AAK1: variants seen among roughly 807,000 people sequenced by gnomAD.
AAK1 encodes AP2 associated kinase 1, also known as AP2-associated protein kinase 1.
In AAK1, 37 loss-of-function variants were observed where a neutral mutation model predicts 116.0. That is an observed-to-expected ratio of 0.32 (90% CI 0.25 to 0.42). AAK1 has a LOEUF of 0.42. Among genes scored for constraint, AAK1 ranks in the 10% least tolerant of loss-of-function variants. The probability of loss-of-function intolerance (pLI) is 1.00; values close to 1 mark genes in which losing one functional copy is unlikely to be tolerated. For synonymous variants in AAK1, 458 were observed against 439.9 expected (o/e 1.04, Z -0.51); for missense variants, 919 against 1,170.6 (o/e 0.79, Z 3.14).
At chr2:69,605,424 C>T (rs1240469796) in intron 2 of AAK1, among the ~76,000 whole-genome samples, 2 of 152,168 alleles carry the variant, frequency 1.3e-5, no homozygotes, top group Non-Finnish European at 2.9e-5. Flanking sequence ...CCTTCTTATG[C>T]ATTTTTTCTA....
intron 2 of AAK1, among the ~76,000 whole-genome samples, chr2:69,564,852 TC>T (rs1169092050): frequency 6.6e-6 from 1 of 151,866 alleles, no homozygotes; most frequent in East Asian, 1.9e-4. Flanking sequence ...CCACCCCCAC[TC>T]CTACCTCAAA....
chr2:69,480,249 G>T, intron 19 of AAK1, among the ~76,000 whole-genome samples: 1 of 146,944 alleles, frequency 6.8e-6, no homozygotes. Context: ...TTTTATCAAG[G>T]GAATTATGGA....
intron 2 of AAK1, among the ~76,000 whole-genome samples, chr2:69,611,080 T>G (rs1305140189): frequency 6.6e-6 from 1 of 152,154 alleles, no homozygotes; most frequent in Non-Finnish European, 1.5e-5. Flanking sequence ...GATGCCTAGA[T>G]GGCTGGTGAG....
intron 12 of AAK1, among the ~76,000 whole-genome samples, chr2:69,518,345 T>C (rs887484110): frequency 1.3e-5 from 2 of 151,728 alleles, no homozygotes; most frequent in Non-Finnish European, 2.9e-5. Flanking sequence ...TTTCCTCTCT[T>C]ATGATAATGG....
At chr2:69,476,766 C>T in intron 21 of AAK1, 114 bp downstream of exon 21, 1 of 680,538 alleles carries the variant, frequency 1.5e-6, no homozygotes, top group Middle Eastern at 3.0e-4. Context: ...CTCATTACAC[C>T]CAATGTCCTT....
At chr2:69,578,104 A>C (rs188997500) in intron 2 of AAK1, among the ~76,000 whole-genome samples, 3 of 152,324 alleles carry the variant, frequency 2.0e-5, no homozygotes, top group African/African-American at 4.8e-5. Context: ...TTCAAGCAGT[A>C]ATTAATTACT....
At chr2:69,524,287 G>A (rs1379439976) in intron 10 of AAK1, among the ~76,000 whole-genome samples, 1 of 152,130 alleles carries the variant, frequency 6.6e-6, no homozygotes, top group East Asian at 1.9e-4. Context: ...GTATTGCCCA[G>A]GCTGATCCCA....
chr2:69,524,903 C>A (rs1425459742), intron 10 of AAK1, 130 bp downstream of exon 10: 1 of 825,204 alleles, frequency 1.2e-6, no homozygotes, highest in Admixed American at 2.6e-5. Flanking sequence ...CTAGGCAAGA[C>A]AGAGCTTGCT....
chr2:69,494,527 G>A (rs79063693), intron 17 of AAK1, among the ~76,000 whole-genome samples: 1,909 of 152,208 alleles, frequency 0.013, 46 homozygotes, highest in African/African-American at 0.044. Context: ...AGAACCTGAA[G>A]GGGTGTCAAA....
chr2:69,478,909 C>A, intron 20 of AAK1, 42 bp downstream of exon 20: 1 of 1,491,800 alleles, frequency 6.7e-7, no homozygotes, highest in Non-Finnish European at 9.3e-7. Context: ...GTTCTTTCCC[C>A]TCTAAGGACA....
chr2:69,458,707 GCA>G lies in AAK1; in HGVS notation c.*17160_*17161del, dbSNP rs139723881. 30 of 150,118 alleles carry G rather than the reference GCA, an allele frequency of 2.0e-4. No homozygotes were observed. The highest frequency in any genetic ancestry group is 7.8e-4 in the East Asian group (4 of 5,108). The allele number at this position is 150,118 out of a possible 1,614,324, so 9.3% of individuals were successfully genotyped here. On this transcript the variant is annotated 3_prime_UTR_variant, in exon 22 of 22. Coordinates refer to ENST00000409085, the MANE Select transcript of AAK1 (RefSeq NM_014911.5). The stretch of plus-strand genomic sequence containing the variant: ...TGGAAGAAAGCATGAAGATGAATGA[GCA>G]CACACACACACACACACACCCCATT...
At position 69,478,996 on chromosome 2, in the gene AAK1, G is replaced by A. The variant is rs1674975453; in HGVS notation, c.2635C>T (p.Leu879=). ...SLLSNPTTDL[L]EEFAPTAISA... ...ATTGCTGTGGGGGCAAACTCTTCCA[G>A]AAGGTCAGTAGTAGGGTTAGAGAGC... The change falls in exon 20 of 22, where the codon CTG becomes TTG. Residue 879 remains leucine (L), a synonymous_variant. Coordinates refer to ENST00000409085, the MANE Select transcript of AAK1 (RefSeq NM_014911.5). The A allele has an allele frequency of 6.2e-7, 1 of 1,613,850 alleles. No homozygotes were observed. Among genetic ancestry groups the A allele is most frequent in the African/African-American group, 1.3e-5 (1 of 74,922 alleles).
chr2:69,497,881 C>A (rs1675811710), intron 16 of AAK1, among the ~76,000 whole-genome samples: 1 of 152,136 alleles, frequency 6.6e-6, no homozygotes, highest in Non-Finnish European at 1.5e-5. Flanking sequence ...GCCCTAGGCT[C>A]CTCAGTGCTC....
At chr2:69,483,019 T>C (rs1423246359) in intron 17 of AAK1, among the ~76,000 whole-genome samples, 1 of 152,186 alleles carries the variant, frequency 6.6e-6, no homozygotes, top group Admixed American at 6.5e-5. Context: ...AGTGAAGTAG[T>C]CACTTTGTAA....
chr2:69,588,634 A>T (rs1230136562), intron 2 of AAK1, among the ~76,000 whole-genome samples: 1 of 152,190 alleles, frequency 6.6e-6, no homozygotes, highest in Non-Finnish European at 1.5e-5. Context: ...AGCTAATTGC[A>T]TCATTTTGTT....
rs1674704019 is a variant in AAK1, at chr2:69,472,222, A to G, written c.*3647T>C. 1.1e-6 allele frequency: 1 copy of G among 927,236 alleles called. No homozygotes were observed. The highest frequency in any genetic ancestry group is 1.3e-6 in the Non-Finnish European group (1 of 777,200). The allele number at this position is 927,236 out of a possible 1,614,324, so 57.4% of individuals were successfully genotyped here. On this transcript the variant is annotated 3_prime_UTR_variant, in exon 22 of 22. Coordinates refer to ENST00000409085, the MANE Select transcript of AAK1 (RefSeq NM_014911.5). ...TGGATTATCCTTTTTACTGTCTTCAACAGTAACCACTCTTCATCTTACAGG... is the reference window on the plus strand; with the variant it reads ...TGGATTATCCTTTTTACTGTCTTCAGCAGTAACCACTCTTCATCTTACAGG...
intron 17 of AAK1, among the ~76,000 whole-genome samples, chr2:69,489,450 CAAAAA>C: frequency 8.4e-6 from 1 of 119,328 alleles, no homozygotes; most frequent in East Asian, 2.3e-4. Flanking sequence ...GACTCCGTCT[CAAAAA>C]AAAAAAAAAA....
chr2:69,546,989 G>A (rs1227381940), intron 3 of AAK1, among the ~76,000 whole-genome samples: 3 of 152,160 alleles, frequency 2.0e-5, no homozygotes, highest in African/African-American at 7.2e-5. Context: ...TCCTTTGAGT[G>A]GCATCAGTAC....
chr2:69,473,192 C>T lies in AAK1; in HGVS notation c.*2677G>A. ...TGGCTGGCAAGGGCCAGGATGAGATCCCAGGTGGCCTGTCCTGCCCAGGCC... is the reference window on the plus strand; with the variant it reads ...TGGCTGGCAAGGGCCAGGATGAGATTCCAGGTGGCCTGTCCTGCCCAGGCC... On this transcript the variant is annotated 3_prime_UTR_variant, in exon 22 of 22. Transcript: ENST00000409085. 1 of 790,358 alleles carries T rather than the reference C, an allele frequency of 1.3e-6. No homozygotes were observed. Among genetic ancestry groups the T allele is most frequent in the Non-Finnish European group, 1.5e-6 (1 of 651,932 alleles). The allele number at this position is 790,358 out of a possible 1,614,324, so 49.0% of individuals were successfully genotyped here. A position where few individuals can be genotyped will look rare whatever the true frequency, so the allele number is the denominator to read the frequency against.
Sources: gnomAD v4.1 joint callset for allele counts (sites outside exome capture counted in the v4.1 genomes callset) on GRCh38, gnomAD v4.1.1 for gene constraint, MANE v1.5 for transcripts, NCBI Gene and HGNC (gene_info 2026-07-23, HGNC 2026-07-21) for gene names.